The following PPFIA2 variants were observed in gnomAD, a reference collection of about 807,000 sequenced individuals.
The protein encoded by PPFIA2 is liprin-alpha-2.
In PPFIA2, 46 loss-of-function variants were observed where a neutral mutation model predicts 175.5. The observed-to-expected ratio is 0.26, with a 90% CI of 0.21 to 0.34. The LOEUF (loss-of-function observed/expected upper bound fraction) is 0.34, where lower values mean the gene tolerates loss of function less well. Among genes scored for constraint, PPFIA2 ranks in the 10% least tolerant of loss-of-function variants. PPFIA2 has a pLI of 1.00. For synonymous variants in PPFIA2, 568 were observed against 511.4 expected (o/e 1.11, Z -1.49); for missense variants, 1,179 against 1,506.1 (o/e 0.78, Z 3.60).
intron 4 of PPFIA2, among the ~76,000 whole-genome samples, chr12:81,466,009 A>C (rs1566943939): frequency 6.6e-6 from 1 of 152,164 alleles, no homozygotes; most frequent in Non-Finnish European, 1.5e-5. Flanking sequence ...ACATGAGCCC[A>C]GGGAATGCTG....
intron 4 of PPFIA2, among the ~76,000 whole-genome samples, chr12:81,636,486 C>T (rs2064062733): frequency 6.6e-6 from 1 of 150,642 alleles, no homozygotes; most frequent in African/African-American, 2.4e-5. Flanking sequence ...AGGATGGTCT[C>T]GATCTCCTGA....
At chr12:81,643,015 T>G (rs1395814404) in intron 4 of PPFIA2, among the ~76,000 whole-genome samples, 1 of 147,438 alleles carries the variant, frequency 6.8e-6, no homozygotes, top group African/African-American at 2.5e-5. Context: ...TTTTATATAG[T>G]GTATATATCT....
chr12:81,738,407 GAAAGA>G (rs1358895612), intron 3 of PPFIA2, among the ~76,000 whole-genome samples: 1 of 151,814 alleles, frequency 6.6e-6, no homozygotes, highest in Non-Finnish European at 1.5e-5. Context: ...TGAAAAGCCA[GAAAGA>G]ATGAGATCCA....
chr12:81,352,833 T>C (rs1220566210), intron 17 of PPFIA2, among the ~76,000 whole-genome samples: 2 of 152,208 alleles, frequency 1.3e-5, no homozygotes, highest in Non-Finnish European at 2.9e-5. Flanking sequence ...GGAGAAAGTT[T>C]TGCCTTTAAC....
intron 3 of PPFIA2, among the ~76,000 whole-genome samples, chr12:81,734,450 G>C (rs893057472): frequency 6.6e-6 from 1 of 151,820 alleles, no homozygotes; most frequent in African/African-American, 2.4e-5. Context: ...AGGCAGATTA[G>C]AGGTCAGGCT....
intron 8 of PPFIA2, among the ~76,000 whole-genome samples, chr12:81,402,565 G>A (rs997226565): frequency 2.6e-5 from 4 of 152,102 alleles, no homozygotes; most frequent in African/African-American, 7.2e-5. Flanking sequence ...GTAAAAAAAT[G>A]TGGTATAGCT....
chr12:81,745,077 T>G (rs1206983302), intron 3 of PPFIA2, among the ~76,000 whole-genome samples: 1 of 152,224 alleles, frequency 6.6e-6, no homozygotes. Flanking sequence ...GTTAAGAAAT[T>G]AATATGAAAC....
At position 81,749,829 on chromosome 12, in the gene PPFIA2, G is replaced by A. The variant is rs192039858; in HGVS notation, c.249+4144C>T. Among the ~76,000 whole-genome samples the A allele has an allele frequency of 2.8e-4, 40 of 144,444 alleles. 8 individuals carry two copies. In the East Asian group the frequency reaches 8.5e-3, roughly 31 times the overall value. 94.8% of individuals were successfully genotyped at this position (144,444 alleles called of 152,430 possible). ...AAGTTCTGACTCAAACTGGTGATGT[G>A]TAGTTGGGTCACAGTACAAATCTGA... On this transcript the variant is annotated intron_variant, in intron 3 of 32. Coordinates refer to ENST00000549396, the MANE Select transcript of PPFIA2 (RefSeq NM_003625.5).
At chr12:81,454,635 G>T (rs917632962) in intron 5 of PPFIA2, among the ~76,000 whole-genome samples, 1 of 151,950 alleles carries the variant, frequency 6.6e-6, no homozygotes, top group Non-Finnish European at 1.5e-5. Context: ...TTATACAGAA[G>T]GACTTTTTCT....
chr12:81,385,662 T>C (rs924233891), intron 8 of PPFIA2, among the ~76,000 whole-genome samples: 1 of 151,920 alleles, frequency 6.6e-6, no homozygotes, highest in Admixed American at 6.6e-5. Flanking sequence ...AAAGTCAAAC[T>C]CATAGAAGTT....
chr12:81,280,774 C>G (rs569368274), intron 27 of PPFIA2, among the ~76,000 whole-genome samples: 16 of 151,848 alleles, frequency 1.1e-4, no homozygotes, highest in Admixed American at 1.0e-3. Flanking sequence ...AATAAGCAAA[C>G]TCATAAAAAG....
chr12:81,674,537 G>A (rs768185845), intron 4 of PPFIA2, among the ~76,000 whole-genome samples: 4 of 152,092 alleles, frequency 2.6e-5, no homozygotes, highest in Non-Finnish European at 5.9e-5. Flanking sequence ...GCATGCTGGC[G>A]CATGCCTGTG....
intron 22 of PPFIA2, among the ~76,000 whole-genome samples, chr12:81,307,298 A>G (rs2049501941): frequency 6.6e-6 from 1 of 151,978 alleles, no homozygotes; most frequent in South Asian, 2.1e-4. Flanking sequence ...TTGTTCTTCA[A>G]CCGTATCATG....
chr12:81,354,456 A>C lies in PPFIA2; in HGVS notation c.1774-1117T>G, dbSNP rs530415789. Among the ~76,000 whole-genome samples the C allele has an allele frequency of 2.6e-5, 4 of 152,284 alleles. No individual in the cohort carries two copies. The South Asian group carries it at 6.2e-4, about 24-fold the overall frequency. On this transcript the variant is annotated intron_variant, in intron 16 of 32. Coordinates refer to ENST00000549396, the MANE Select transcript of PPFIA2 (RefSeq NM_003625.5). ...AACCACTTTCTGTTCATTCATAAAA[A>C]GTAAATCCTCATCTGTTCAAGTTTT... is the stretch of plus-strand genomic sequence containing the variant.
rs530733010 is a variant in PPFIA2 at position 81,692,921 on chromosome 12, A to T, written c.250-16077T>A. On this transcript the variant is annotated intron_variant, in intron 3 of 32. Transcript: ENST00000549396. ...ATATAAAATTCTATGACGAAAAAGC[A>T]GTTATTTTTAATTATTTATAAATAG... Among the ~76,000 whole-genome samples the T allele has an allele frequency of 4.6e-5, 7 of 152,286 alleles. No individual in the cohort carries two copies. In the South Asian group the frequency reaches 1.4e-3, roughly 32 times the overall value.
intron 3 of PPFIA2, among the ~76,000 whole-genome samples, chr12:81,721,986 T>C (rs768926095): frequency 1.3e-5 from 2 of 151,152 alleles, no homozygotes; most frequent in Non-Finnish European, 3.0e-5. Context: ...TGTACAATCA[T>C]AATATATCTG....
intron 8 of PPFIA2, among the ~76,000 whole-genome samples, chr12:81,401,559 T>C (rs2042103704): frequency 6.6e-6 from 1 of 152,210 alleles, no homozygotes. Context: ...TTTTATGATA[T>C]TAATTTGGGC....
chr12:81,371,913 A>G (rs892822835), intron 11 of PPFIA2, among the ~76,000 whole-genome samples: 1 of 112,734 alleles, frequency 8.9e-6, no homozygotes, highest in African/African-American at 4.3e-5. Flanking sequence ...ACACACAAAC[A>G]CACACACACA....
chr12:81,332,268 A>C (rs1177851141), intron 21 of PPFIA2, among the ~76,000 whole-genome samples: 1 of 151,956 alleles, frequency 6.6e-6, no homozygotes, highest in Non-Finnish European at 1.5e-5. Context: ...GGTGCTAATC[A>C]CTTCCTTTGC....
Sources: gnomAD v4.1 joint callset for allele counts (sites outside exome capture counted in the v4.1 genomes callset) on GRCh38, gnomAD v4.1.1 for gene constraint, MANE v1.5 for transcripts, NCBI Gene and HGNC (gene_info 2026-07-23, HGNC 2026-07-21) for gene names.